Variants in DNAAF11 observed in about 807,000 individuals in gnomAD.
DNAAF11 encodes the protein leucine rich repeat containing 6.
DNAAF11 carries 45 observed loss-of-function variants against 60.8 expected under a neutral mutation model. That is an observed-to-expected ratio of 0.74 (90% CI 0.58 to 0.95). The LOEUF (loss-of-function observed/expected upper bound fraction) is 0.95. Ranked by LOEUF, DNAAF11 falls within the 40% of genes least tolerant of loss-of-function variation. The pLI, the probability that DNAAF11 is intolerant of heterozygous loss-of-function variation, is 0.00. For missense variants in DNAAF11, 546 were observed against 546.2 expected (o/e 1.00, Z 0.00); for synonymous variants, 191 against 183.5 (o/e 1.04, Z -0.33).
At chr8:132,643,824 A>G (rs1822096951) in intron 3 of DNAAF11, 6 of 428,812 alleles carry the variant, frequency 1.4e-5, no homozygotes, top group Non-Finnish European at 2.3e-5. Context: ...ACCTCTAGGC[A>G]GTAGGACTTA....
At chr8:132,679,070 G>A (rs548148018), upstream of DNAAF11, among the ~76,000 whole-genome samples, 1 of 152,066 alleles carries the variant, frequency 6.6e-6, no homozygotes, top group Non-Finnish European at 1.5e-5. Context: ...CCTCAAGCAG[G>A]TCATATTGTC....
intron 9 of DNAAF11, among the ~76,000 whole-genome samples, 153 bp downstream of exon 9, chr8:132,611,141 G>A (rs922603470): frequency 5.9e-5 from 9 of 152,142 alleles, no homozygotes; most frequent in Middle Eastern, 3.2e-3. Context: ...TGATCCGCCC[G>A]CCTTGGCCTC....
At chr8:132,675,395 G>T in intron 1 of DNAAF11, 89 bp downstream of exon 1, 1 of 1,429,902 alleles carries the variant, frequency 7.0e-7, no homozygotes, top group Non-Finnish European at 9.5e-7. Context: ...CGACAGCGCA[G>T]GGCGGGAGCG....
chr8:132,671,783 G>C (rs1397303318), intron 1 of DNAAF11, among the ~76,000 whole-genome samples: 2 of 151,784 alleles, frequency 1.3e-5, no homozygotes, highest in Admixed American at 6.6e-5. Flanking sequence ...CTCAACAAGT[G>C]GGGCTGGTAC....
chr8:132,678,939 T>A (rs1215970701), upstream of DNAAF11, among the ~76,000 whole-genome samples: 1 of 152,156 alleles, frequency 6.6e-6, no homozygotes, highest in East Asian at 1.9e-4. Context: ...CATTCATTCA[T>A]AAGTGAATAA....
Position 132,572,390 on chromosome 8 carries a change from G to C in DNAAF11, c.1317C>G (p.Pro439=), listed in dbSNP as rs1814290668. Residue 439 remains proline, a synonymous_variant, in exon 12 of 12, where the codon CCC becomes CCG. Coordinates refer to ENST00000620350, the MANE Select transcript of DNAAF11 (RefSeq NM_012472.6). ...TAATTTTGGGTTCAGGTCGTCTTCT[G>C]GGTGTGTGTTTTTTCTCTTGAACTA... ...TNIVQEKKHT[P]RRRPEPKIIP... The C allele has an allele frequency of 6.2e-7, 1 of 1,613,732 alleles. No individual in the cohort carries two copies. The highest frequency in any genetic ancestry group is 8.5e-7 in the Non-Finnish European group (1 of 1,179,820).
intron 3 of DNAAF11, among the ~76,000 whole-genome samples, chr8:132,641,569 G>T (rs1821858696): frequency 6.6e-6 from 1 of 152,068 alleles, no homozygotes; most frequent in Non-Finnish European, 1.5e-5. Context: ...AAAGAATGAG[G>T]GAGAAAGACA....
chr8:132,625,781 A>G (rs1339439159), intron 5 of DNAAF11, among the ~76,000 whole-genome samples: 1 of 152,184 alleles, frequency 6.6e-6, no homozygotes, highest in African/African-American at 2.4e-5. Flanking sequence ...TAAAAAGTAC[A>G]GATTCCTGGG....
At chr8:132,590,810 G>A (rs1206138664) in intron 10 of DNAAF11, among the ~76,000 whole-genome samples, 2 of 152,206 alleles carry the variant, frequency 1.3e-5, no homozygotes, top group Admixed American at 6.5e-5. Flanking sequence ...TTTACAAGAT[G>A]CCTATAGTGT....
At position 132,638,027 on chromosome 8, in the gene DNAAF11, T is replaced by C. The variant is rs752269775; in HGVS notation, c.337A>G (p.Ile113Val). The C allele has an allele frequency of 6.2e-7, 1 of 1,613,964 alleles. No individual in the cohort carries two copies. Among genetic ancestry groups the C allele is most frequent in the South Asian group, 1.1e-5 (1 of 91,084 alleles). ...LSSIKNLQHN[I>V]HLKELFLMGN... Reference sequence around the variant, plus strand: ...ATGAGAAAGAGCTCCTTCAGATGGATATTGTGCTGCAAGTTTTTAATGCTG... The same window carrying C: ...ATGAGAAAGAGCTCCTTCAGATGGACATTGTGCTGCAAGTTTTTAATGCTG... The change falls in exon 4 of 12, where the codon ATC becomes GTC. Residue 113 changes from isoleucine to valine, a missense_variant. Ile to Val is a conservative substitution (Grantham distance 29). Coordinates refer to ENST00000620350, the MANE Select transcript of DNAAF11 (RefSeq NM_012472.6).
chr8:132,606,920 T>G (rs554080028), intron 10 of DNAAF11, among the ~76,000 whole-genome samples: 1 of 152,310 alleles, frequency 6.6e-6, no homozygotes, highest in South Asian at 2.1e-4. Flanking sequence ...GAGTCAAAAC[T>G]TAGGAAAAAA....
chr8:132,610,223 A>G lies in DNAAF11; in HGVS notation c.1083T>C (p.Asp361=), dbSNP rs1037489143. 3.1e-6 allele frequency: 5 copies of G among 1,614,006 alleles called. No homozygotes were observed. The highest frequency in any genetic ancestry group is 4.2e-6 in the Non-Finnish European group (5 of 1,179,916). The stretch of plus-strand genomic sequence containing the variant: ...TCTGAGATCTTTTAGCAGAACTACT[A>G]TCGGGTTTCACTTCTGCAGGAAGGA... ...QLVLPAEVKP[D]SSSAKRSQTT... The change falls in exon 10 of 12, where the codon GAT becomes GAC. Residue 361 remains aspartate (D), a synonymous_variant. Coordinates refer to ENST00000620350, the MANE Select transcript of DNAAF11 (RefSeq NM_012472.6).
chr8:132,670,980 C>T (rs1825132509), intron 1 of DNAAF11, among the ~76,000 whole-genome samples: 1 of 152,070 alleles, frequency 6.6e-6, no homozygotes, highest in South Asian at 2.1e-4. Flanking sequence ...CCACAAAACA[C>T]CTATAATCAA....
intron 9 of DNAAF11, 28 bp downstream of exon 9, chr8:132,611,266 T>G (rs764707762): frequency 6.5e-7 from 1 of 1,536,330 alleles, no homozygotes; most frequent in Non-Finnish European, 9.0e-7. Flanking sequence ...GCTTTTGAAA[T>G]TGTAATAGCC....
At chr8:132,663,906 C>T (rs558621412) in intron 1 of DNAAF11, among the ~76,000 whole-genome samples, 54 of 152,144 alleles carry the variant, frequency 3.5e-4, no homozygotes, top group Non-Finnish European at 6.6e-4. Flanking sequence ...GATGTATAGG[C>T]TGGAGTGTCC....
At chr8:132,699,976 T>A in the DNAAF11 span, among the ~76,000 whole-genome samples, 1 of 152,044 alleles carries the variant, frequency 6.6e-6, no homozygotes, top group African/African-American at 2.4e-5. Context: ...AGCACAGGAT[T>A]TTCTCTTCAG....
chr8:132,620,865 A>G (rs1819685313), intron 7 of DNAAF11, among the ~76,000 whole-genome samples: 1 of 152,188 alleles, frequency 6.6e-6, no homozygotes, highest in Non-Finnish European at 1.5e-5. Context: ...AAATCTAGGA[A>G]TGAAAATGAA....
intron 1 of DNAAF11, among the ~76,000 whole-genome samples, chr8:132,674,887 T>TCAAA (rs577177171): frequency 4.7e-4 from 71 of 152,284 alleles, no homozygotes; most frequent in African/African-American, 1.6e-3. Context: ...AACTCTTGTC[T>TCAAA]CAAACAAACA....
rs765355758 is a variant in DNAAF11, at chr8:132,637,887, G to T, written c.429+48C>A. The T allele has an allele frequency of 2.7e-6, 4 of 1,482,844 alleles. No homozygotes were observed. The South Asian group carries it at 5.1e-5, about 19-fold the overall frequency. 91.9% of individuals were successfully genotyped at this position (1,482,844 alleles called of 1,614,324 possible). A position where few individuals can be genotyped will look rare whatever the true frequency, so the allele number is the denominator to read the frequency against. On this transcript the variant is annotated intron_variant, in intron 4 of 11. Coordinates refer to ENST00000620350, the MANE Select transcript of DNAAF11 (RefSeq NM_012472.6). ...CAGTAAAGCAGGAATTATTGTAGTT[G>T]CTCATGCTCATTTATCTGTGATTTC...
Sources: allele counts gnomAD v4.1 joint callset (sites outside exome capture counted in the v4.1 genomes callset), GRCh38; gene constraint gnomAD v4.1.1; transcripts MANE v1.5; gene names NCBI Gene and HGNC (gene_info 2026-07-23, HGNC 2026-07-21).